Variants in ACTR3 observed in about 807,000 individuals in gnomAD.
The protein encoded by ACTR3 is actin related protein 3.
ACTR3 carries 12 observed loss-of-function variants against 56.8 expected under a neutral mutation model. The ratio of observed to expected loss-of-function variants is 0.21; its 90% confidence interval spans 0.14 to 0.34. ACTR3 has a LOEUF of 0.34. Among genes scored for constraint, ACTR3 ranks in the 10% least tolerant of loss-of-function variants. The pLI, the probability that ACTR3 is intolerant of heterozygous loss-of-function variation, is 1.00. For missense variants in ACTR3, 282 were observed against 512.5 expected (o/e 0.55, Z 4.34); for synonymous variants, 162 against 167.4 (o/e 0.97, Z 0.25).
At position 113,890,161 on chromosome 2, in the gene ACTR3, G is replaced by T; in HGVS notation, c.-119G>T. ...TGCTTCGGCTTCCCGGCTACCCCCC[G>T]GACGGTGAAGGCGGCCCAGCTGTGG... On this transcript the variant is annotated 5_prime_UTR_variant, in exon 1 of 12. Coordinates refer to ENST00000263238, the MANE Select transcript of ACTR3 (RefSeq NM_005721.5). The T allele has an allele frequency of 7.4e-7, 1 of 1,353,692 alleles. No individual in the cohort carries two copies. Among genetic ancestry groups the T allele is most frequent in the Non-Finnish European group, 1.0e-6 (1 of 971,738 alleles). The allele number at this position is 1,353,692 out of a possible 1,614,324, so 83.9% of individuals were successfully genotyped here. A position where few individuals can be genotyped will look rare whatever the true frequency, so the allele number is the denominator to read the frequency against.
intron 5 of ACTR3, 32 bp downstream of exon 5, chr2:113,931,428 C>A: frequency 7.0e-7 from 1 of 1,419,354 alleles, no homozygotes; most frequent in Non-Finnish European, 9.5e-7. Flanking sequence ...AAGTTTGATT[C>A]TTACATTTTA....
rs1335944962 is a variant in ACTR3, at chr2:113,959,429, T to G, written c.*1974T>G. On this transcript the variant is annotated 3_prime_UTR_variant, in exon 12 of 12. Transcript: ENST00000263238. Reference sequence around the variant, plus strand: ...CACCGGCGATGGTTGGGTAGTTAAGTGAATAAGCTAGAAAGACATGTTTAT... The same window carrying G: ...CACCGGCGATGGTTGGGTAGTTAAGGGAATAAGCTAGAAAGACATGTTTAT... 6.6e-6 allele frequency: 1 copy of G among 152,012 alleles called. No individual in the cohort carries two copies. Among genetic ancestry groups the G allele is most frequent in the Non-Finnish European group, 1.5e-5 (1 of 67,920 alleles). The allele number at this position is 152,012 out of a possible 1,614,324, so 9.4% of individuals were successfully genotyped here.
chr2:113,894,195 G>A (rs1451066580), intron 1 of ACTR3, among the ~76,000 whole-genome samples: 2 of 151,964 alleles, frequency 1.3e-5, no homozygotes, highest in African/African-American at 2.4e-5. Flanking sequence ...CTGGGTTCAG[G>A]TGATTTTCTG....
chr2:113,957,003 G>A (rs1045485622), intron 11 of ACTR3, among the ~76,000 whole-genome samples: 1 of 152,204 alleles, frequency 6.6e-6, no homozygotes, highest in African/African-American at 2.4e-5. Flanking sequence ...TCTGTAGTTA[G>A]GCGAATGCCG....
At position 113,939,873 on chromosome 2, in the gene ACTR3, A is replaced by T. The variant is rs1419618443; in HGVS notation, c.541-86A>T. The T allele has an allele frequency of 3.3e-6, 4 of 1,224,382 alleles. No homozygotes were observed. In the African/African-American group the frequency reaches 4.6e-5, roughly 14 times the overall value. 75.8% of individuals were successfully genotyped at this position (1,224,382 alleles called of 1,614,324 possible). A position where few individuals can be genotyped will look rare whatever the true frequency, so the allele number is the denominator to read the frequency against. On this transcript the variant is annotated intron_variant, in intron 6 of 11. Coordinates refer to ENST00000263238, the MANE Select transcript of ACTR3 (RefSeq NM_005721.5). ...GACTATAAATACACTAACTTAATAA[A>T]TTGGTCTTTATTGGTTCATATTTTT...
intron 6 of ACTR3, among the ~76,000 whole-genome samples, chr2:113,938,358 T>C (rs6713995): frequency 0.073 from 11,186 of 152,250 alleles, 462 homozygotes; most frequent in African/African-American, 0.1. Context: ...TGCATGCTTA[T>C]AATTTTTGAT....
At chr2:113,912,358 A>C (rs1415383971) in intron 1 of ACTR3, among the ~76,000 whole-genome samples, 1 of 152,150 alleles carries the variant, frequency 6.6e-6, no homozygotes, top group Non-Finnish European at 1.5e-5. Context: ...CATAGCTAAA[A>C]AATGCCCCAC....
In ACTR3 at chr2:113,959,901, A is replaced by G. The variant is rs1424468020; in HGVS notation, c.*2446A>G. 1 of 152,060 alleles carries G rather than the reference A, an allele frequency of 6.6e-6. No homozygotes were observed. Among genetic ancestry groups the G allele is most frequent in the Non-Finnish European group, 1.5e-5 (1 of 67,924 alleles). 9.4% of individuals were successfully genotyped at this position (152,060 alleles called of 1,614,324 possible). ...CTTTGTTTTTTGTTAAAACTTGGAA[A>G]ATATATTTGTATTATTTTGGACAAA... is the stretch of plus-strand genomic sequence containing the variant. On this transcript the variant is annotated 3_prime_UTR_variant, in exon 12 of 12. Transcript: ENST00000263238.
intron 7 of ACTR3, 103 bp from the exon 8 acceptor site, chr2:113,942,083 G>GT (rs70937252): frequency 0.14 from 99,294 of 725,136 alleles, 18 homozygotes; most frequent in Middle Eastern, 0.18. Context: ...TTTCTGAAGA[G>GT]TTTTTTTTTT....
chr2:113,928,457 A>G (rs1445975848), intron 4 of ACTR3, among the ~76,000 whole-genome samples: 2 of 152,208 alleles, frequency 1.3e-5, no homozygotes, highest in African/African-American at 4.8e-5. Context: ...TTCTTTTCAT[A>G]TAAAATTTAC....
chr2:113,934,220 C>A lies in ACTR3; in HGVS notation c.433-59C>A. ...CTAGTTTTTTTTTTTTCGATTAACT[C>A]TTTGTTTTTTTGTTTTTTTTTTTTG... On this transcript the variant is annotated intron_variant, in intron 5 of 11. Transcript: ENST00000263238. 5.5e-6 allele frequency: 6 copies of A among 1,094,778 alleles called. No homozygotes were observed. The South Asian group carries it at 6.0e-5, about 11-fold the overall frequency. The allele number at this position is 1,094,778 out of a possible 1,614,324, so 67.8% of individuals were successfully genotyped here.
Position 113,957,633 on chromosome 2 carries a change from G to A in ACTR3, c.*178G>A, listed in dbSNP as rs189795162. 1.1e-4 allele frequency: 53 copies of A among 471,506 alleles called. No individual in the cohort carries two copies. The East Asian group carries it at 1.3e-3, about 12-fold the overall frequency. The allele number at this position is 471,506 out of a possible 1,614,324, so 29.2% of individuals were successfully genotyped here. A position where few individuals can be genotyped will look rare whatever the true frequency, so the allele number is the denominator to read the frequency against. On this transcript the variant is annotated 3_prime_UTR_variant, in exon 12 of 12. Transcript: ENST00000263238. ...TCACCATGCAGATGTAGAAGAGAGC[G>A]AAAGTGATTGTGTTTTTCTTTAGAT...
chr2:113,952,840 C>T (rs1028305478), intron 10 of ACTR3: 2 of 152,138 alleles, frequency 1.3e-5, no homozygotes, highest in African/African-American at 4.8e-5. Flanking sequence ...CCCAACCAAC[C>T]AAACCACCAG....
At chr2:113,919,319 A>G (rs915718104) in intron 3 of ACTR3, among the ~76,000 whole-genome samples, 3 of 152,180 alleles carry the variant, frequency 2.0e-5, no homozygotes, top group Admixed American at 1.3e-4. Flanking sequence ...GATTTAGTTG[A>G]TAAATCTCTT....
At chr2:113,925,318 C>G (rs909239941) in intron 3 of ACTR3, among the ~76,000 whole-genome samples, 1 of 151,658 alleles carries the variant, frequency 6.6e-6, no homozygotes, top group Non-Finnish European at 1.5e-5. Context: ...GTCTCAGCCT[C>G]CCGAGTAGCT....
At chr2:113,919,008 T>C (rs1679458227) in intron 3 of ACTR3, among the ~76,000 whole-genome samples, 1 of 152,204 alleles carries the variant, frequency 6.6e-6, no homozygotes, top group Non-Finnish European at 1.5e-5. Flanking sequence ...GAAAATAATA[T>C]AATGAACCCC....
In ACTR3 at chr2:113,945,709, A is replaced by G. The variant is rs374502748; in HGVS notation, c.858+3350A>G. ...GTTTTTATATAGGTAAACTTTTGTC[A>G]TGGAGGTTGTACAGATTGTTTTGTC... On this transcript the variant is annotated intron_variant, in intron 8 of 11. Transcript: ENST00000263238. Among the ~76,000 whole-genome samples, 13 of 151,976 alleles carry G rather than the reference A, an allele frequency of 8.6e-5. No homozygotes were observed. In the East Asian group the frequency reaches 2.3e-3, roughly 27 times the overall value.
chr2:113,925,465 G>A (rs570740889), intron 3 of ACTR3, among the ~76,000 whole-genome samples: 8 of 152,258 alleles, frequency 5.3e-5, no homozygotes, highest in Non-Finnish European at 1.0e-4. Context: ...CAAAGTGCTG[G>A]GATTACAGGC....
At chr2:113,949,048 A>G (rs1416003815) in intron 8 of ACTR3, among the ~76,000 whole-genome samples, 2 of 80,274 alleles carry the variant, frequency 2.5e-5, no homozygotes, top group Non-Finnish European at 4.2e-5. Context: ...TTTTCATTGT[A>G]TGCGCAGCCT....
Sources: allele counts gnomAD v4.1 joint callset (sites outside exome capture counted in the v4.1 genomes callset), GRCh38; gene constraint gnomAD v4.1.1; transcripts MANE v1.5; gene names NCBI Gene and HGNC (gene_info 2026-07-23, HGNC 2026-07-21).